The following CCDC50 variants were observed in gnomAD, a reference collection of about 807,000 sequenced individuals.
CCDC50 encodes coiled-coil domain-containing protein 50.
CCDC50 carries 54 observed loss-of-function variants against 70.2 expected under a neutral mutation model. The ratio of observed to expected loss-of-function variants is 0.77; its 90% CI spans 0.62 to 0.96. CCDC50 has a LOEUF of 0.96. CCDC50 is among the 50% of genes least tolerant of loss of function. CCDC50 has a pLI of 0.00. For missense variants in CCDC50, 558 were observed against 578.7 expected (o/e 0.96, Z 0.37); for synonymous variants, 216 against 198.8 (o/e 1.09, Z -0.73).
intron 11 of CCDC50, among the ~76,000 whole-genome samples, chr3:191,391,152 T>C (rs372447410): frequency 6.6e-6 from 1 of 152,258 alleles, no homozygotes; most frequent in African/African-American, 2.4e-5. Flanking sequence ...TTATTTGTTA[T>C]GATTTTTGAA....
At position 191,389,599 on chromosome 3, in the gene CCDC50, A is replaced by G. The variant is rs759906745; in HGVS notation, c.1426A>G (p.Lys476Glu). 1.1e-5 allele frequency: 17 copies of G among 1,608,960 alleles called. No homozygotes were observed. The Admixed American group carries it at 1.2e-4, about 11-fold the overall frequency. Residue 476 changes from lysine (K) to glutamate (E), a missense_variant, in exon 11 of 12, where the codon AAA becomes GAA. By Grantham distance (56) the Lys-to-Glu change is moderately conservative. Transcript: ENST00000392455. Reference protein sequence around the residue: ...RHFSKSESSHKGFHYKH With the variant: ...RHFSKSESSHEGFHYKH ...TTTCTCAAAATCAGAGTCCTCTCAT[A>G]AAGGTAAGAAGAGTATGTATGGTCA...
intron 1 of CCDC50, among the ~76,000 whole-genome samples, chr3:191,331,550 G>A (rs950889938): frequency 6.6e-6 from 1 of 152,168 alleles, no homozygotes; most frequent in Non-Finnish European, 1.5e-5. Context: ...AAAATTCAGT[G>A]TGGCTCTTTC....
rs1312480517 is a variant in CCDC50, at chr3:191,357,066, G to GT, written c.50-17dup. ...GTATTACTAATGAGCCTTCCTGTCT[G>GT]TTTTTCCTCCATCTACTCTAGTATG... On this transcript the variant is annotated intron_variant, in intron 1 of 11. Transcript: ENST00000392455. The GT allele has an allele frequency of 6.4e-6, 10 of 1,553,162 alleles. 1 individual carries two copies. The highest frequency in any genetic ancestry group is 8.0e-6 in the Non-Finnish European group (9 of 1,126,286).
rs1177475685 is a variant in CCDC50 at position 191,380,730 on chromosome 3, A to C, written c.1136A>C (p.Glu379Ala). ...AGAGCCGCTCAAGTAGCTCAAGATG[A>C]AGTAAGTTAATGAGTTTAGCTGATA... ...DMRAAQVAQD[E>A]EIARLLMAEE... Residue 379 changes from glutamate to alanine, a missense_variant and splice_region_variant, in exon 8 of 12, where the codon GAA becomes GCA. Physicochemically the swap from Glu to Ala is moderately radical, Grantham distance 107 (BLOSUM62 -1). Transcript: ENST00000392455. 6.2e-7 allele frequency: 1 copy of C among 1,612,708 alleles called. No individual in the cohort carries two copies. Among genetic ancestry groups the C allele is most frequent in the Admixed American group, 1.7e-5 (1 of 59,824 alleles).
At chr3:191,370,645 C>T (rs957682394) in intron 5 of CCDC50, among the ~76,000 whole-genome samples, 6 of 151,982 alleles carry the variant, frequency 3.9e-5, no homozygotes, top group African/African-American at 9.6e-5. Context: ...TGTGCCACCA[C>T]GCCTGTCTAA....
At chr3:191,344,089 C>T (rs890595089) in intron 1 of CCDC50, among the ~76,000 whole-genome samples, 13 of 152,196 alleles carry the variant, frequency 8.5e-5, no homozygotes, top group Admixed American at 8.5e-4. Flanking sequence ...CAGTAATATA[C>T]TCAAGACCCT....
chr3:191,330,684 T>C (rs1717950639), intron 1 of CCDC50: 1 of 152,204 alleles, frequency 6.6e-6, no homozygotes, highest in South Asian at 2.1e-4. Context: ...GTCTTGGAGA[T>C]GTGGAATTGA....
chr3:191,390,256 AG>A (rs1043555634), intron 11 of CCDC50, among the ~76,000 whole-genome samples: 19 of 152,210 alleles, frequency 1.2e-4, no homozygotes, highest in African/African-American at 4.6e-4. Context: ...CTTATTAATT[AG>A]ATTTAAAATA....
chr3:191,361,751 T>G (rs567439025), intron 4 of CCDC50, among the ~76,000 whole-genome samples: 1 of 152,272 alleles, frequency 6.6e-6, no homozygotes, highest in African/African-American at 2.4e-5. Context: ...CCAAATAAGG[T>G]CACATTTTGA....
rs1305308797 is a variant in CCDC50 at position 191,329,759 on chromosome 3, C to T, written c.49+36C>T. 4 of 1,595,816 alleles carry T rather than the reference C, an allele frequency of 2.5e-6. No individual in the cohort carries two copies. The Admixed American group carries it at 5.2e-5, about 21-fold the overall frequency. On this transcript the variant is annotated intron_variant, in intron 1 of 11. Transcript: ENST00000392455. ...CGGAGGGAGAGCGCGCGGGACCCTCCCCTCTCCCAGCCCGAGGTTCTCTCA... is the reference window on the plus strand; with the variant it reads ...CGGAGGGAGAGCGCGCGGGACCCTCTCCTCTCCCAGCCCGAGGTTCTCTCA...
intron 1 of CCDC50, among the ~76,000 whole-genome samples, chr3:191,330,803 C>G (rs1029074807): frequency 6.6e-6 from 1 of 152,150 alleles, no homozygotes; most frequent in African/African-American, 2.4e-5. Flanking sequence ...AAATGAGGGA[C>G]TGCTTGATTG....
At chr3:191,356,954 T>G in intron 1 of CCDC50, 134 bp from the exon 2 acceptor site, 2 of 706,874 alleles carry the variant, frequency 2.8e-6, no homozygotes, top group Non-Finnish European at 5.1e-6. Context: ...TTTTATGCAT[T>G]GAGAATTATA....
intron 1 of CCDC50, among the ~76,000 whole-genome samples, chr3:191,342,469 C>T (rs979678606): frequency 2.0e-5 from 3 of 152,084 alleles, no homozygotes; most frequent in African/African-American, 7.2e-5. Flanking sequence ...ATAAATAGAA[C>T]TTGCAGTAGC....
At chr3:191,332,569 A>G (rs575884553) in intron 1 of CCDC50, among the ~76,000 whole-genome samples, 2 of 152,368 alleles carry the variant, frequency 1.3e-5, no homozygotes, top group South Asian at 4.1e-4. Flanking sequence ...TTTAAACTTC[A>G]GTAGGTCTAT....
At chr3:191,332,088 G>A (rs1718006903) in intron 1 of CCDC50, among the ~76,000 whole-genome samples, 1 of 152,196 alleles carries the variant, frequency 6.6e-6, no homozygotes, top group South Asian at 2.1e-4. Context: ...TGCAGTGAGT[G>A]TGTGCCCGTT....
intron 5 of CCDC50, chr3:191,370,320 C>G: frequency 1.1e-5 from 4 of 354,842 alleles, no homozygotes; most frequent in South Asian, 8.8e-5. Flanking sequence ...CCCATTAACT[C>G]GTCATTTAAC....
chr3:191,332,519 A>T (rs1034971449), intron 1 of CCDC50, among the ~76,000 whole-genome samples: 4 of 152,204 alleles, frequency 2.6e-5, no homozygotes, highest in Admixed American at 6.5e-5. Context: ...ATTTCTTCTG[A>T]AACATTTGAG....
At chr3:191,383,735 T>C (rs1662184) in intron 10 of CCDC50, among the ~76,000 whole-genome samples, 64,117 of 151,906 alleles carry the variant, frequency 0.42, 15,214 homozygotes, top group Non-Finnish European at 0.53. Flanking sequence ...GAAGATAATC[T>C]TTCAGAAAAT....
rs141621183 is a variant in CCDC50 at position 191,346,984 on chromosome 3, A to G, written c.50-10104A>G. ...TGCCATTTAGGACCATTATTATTGG[A>G]AATAGGATTACAGATTCTTGATACT... On this transcript the variant is annotated intron_variant, in intron 1 of 11. Transcript: ENST00000392455. Among the ~76,000 whole-genome samples the G allele has an allele frequency of 6.3e-5, 9 of 143,842 alleles. No individual in the cohort carries two copies. The East Asian group carries it at 1.5e-3, about 25-fold the overall frequency. The allele number at this position is 143,842 out of a possible 152,430, so 94.4% of individuals were successfully genotyped here. A position where few individuals can be genotyped will look rare whatever the true frequency, so the allele number is the denominator to read the frequency against.
Sources: allele counts gnomAD v4.1 joint callset (sites outside exome capture counted in the v4.1 genomes callset), GRCh38; gene constraint gnomAD v4.1.1; transcripts MANE v1.5; gene names NCBI Gene and HGNC (gene_info 2026-07-23, HGNC 2026-07-21).